The following MYCT1 variants were observed in gnomAD, a reference collection of about 807,000 sequenced individuals.
MYCT1 encodes MYC target 1, also known as myc target protein 1.
MYCT1 carries 12 observed loss-of-function variants against 15.0 expected under a neutral mutation model. That is an observed-to-expected ratio of 0.80 (90% CI 0.51 to 1.29). MYCT1 has a LOEUF of 1.29. Among genes scored for constraint, MYCT1 ranks in the 50% most tolerant of loss-of-function variants. MYCT1 has a pLI of 0.00. For missense variants in MYCT1, 287 were observed against 279.1 expected, an observed-to-expected ratio of 1.03 and a Z score of -0.20; for synonymous variants, 104 against 102.7, an observed-to-expected ratio of 1.01 and a Z score of -0.07.
intron 1 of MYCT1, among the ~76,000 whole-genome samples, chr6:152,716,526 T>C (rs1255265910): frequency 1.3e-5 from 2 of 152,206 alleles, no homozygotes. Flanking sequence ...CTCTACTAAA[T>C]TTTAATACCA....
At chr6:152,705,934 T>G in intron 1 of MYCT1, 1 of 772,600 alleles carries the variant, frequency 1.3e-6, no homozygotes, top group South Asian at 1.3e-5. Context: ...GTCAGAGATT[T>G]TGTGAATATG....
chr6:152,725,979 G>A, downstream of MYCT1, among the ~76,000 whole-genome samples: 1 of 151,732 alleles, frequency 6.6e-6, no homozygotes, highest in South Asian at 2.1e-4. Flanking sequence ...AAGGAGAGAC[G>A]AAAATAACAA....
At chr6:152,729,763 A>T in the MYCT1 span, among the ~76,000 whole-genome samples, 1 of 152,202 alleles carries the variant, frequency 6.6e-6, no homozygotes, top group East Asian at 1.9e-4. Context: ...TCTGCTGAGC[A>T]GCTACACCAC....
chr6:152,718,995 A>C (rs4145215), intron 1 of MYCT1, among the ~76,000 whole-genome samples: 74 of 152,226 alleles, frequency 4.9e-4, no homozygotes, highest in East Asian at 2.7e-3. Flanking sequence ...ATAGTTCCCT[A>C]ACCACCGATA....
chr6:152,724,191 CAAGT>C lies in MYCT1; in HGVS notation c.*1942_*1945del, dbSNP rs1275215185. 2 of 148,586 alleles carry C rather than the reference CAAGT, an allele frequency of 1.3e-5. No individual in the cohort carries two copies. The highest frequency in any genetic ancestry group is 4.9e-5 in the African/African-American group (2 of 40,594). 9.2% of individuals were successfully genotyped at this position (148,586 alleles called of 1,614,324 possible). On this transcript the variant is annotated 3_prime_UTR_variant, in exon 2 of 2. Transcript: ENST00000367245. ...GTTTTCAACAAAGAAATTTAGCAGC[CAAGT>C]AAGGTTTCAAGGGAATATTAACTTG... is the stretch of plus-strand genomic sequence containing the variant.
rs755298602 is a variant in MYCT1, at chr6:152,721,901, G to A, written c.356G>A (p.Gly119Asp). ...AGATCTAGGTCTTCTTACACCCACG[G>A]CCTCAACAGAACTGGATTTTACCGC... ...SRRSRSSYTHGLNRTGFYRHS... is the reference protein window; with the variant it reads ...SRRSRSSYTHDLNRTGFYRHS... The change falls in exon 2 of 2, where the codon GGC becomes GAC. Residue 119 changes from glycine to aspartate, a missense_variant. Gly to Asp is a moderately conservative substitution (Grantham distance 94, BLOSUM62 -1). Transcript: ENST00000367245. 3 of 1,613,918 alleles carry A rather than the reference G, an allele frequency of 1.9e-6. No individual in the cohort carries two copies. In the African/African-American group the frequency reaches 4.0e-5, roughly 22 times the overall value.
Position 152,722,068 on chromosome 6 carries a change from CCA to C in MYCT1, c.525_526del (p.Leu176SerfsTer5). ...STFHPFLQCPPLPVETESQLV... is the reference protein window; with the variant it reads ...STFHPFLQCPXLPVETESQLV... ...TTTCCATCCCTTTCTGCAATGTCCA[CCA>C]CTTCCTGTGGAAACTGAGAGTCAGC... is the stretch of plus-strand genomic sequence containing the variant. On this transcript the variant is annotated frameshift_variant, in exon 2 of 2. Transcript: ENST00000367245. LOFTEE classifies it low-confidence loss of function (END_TRUNC). 6.2e-7 allele frequency: 1 copy of C among 1,614,166 alleles called. No individual in the cohort carries two copies. The highest frequency in any genetic ancestry group is 8.5e-7 in the Non-Finnish European group (1 of 1,180,040).
the MYCT1 span, among the ~76,000 whole-genome samples, chr6:152,743,570 G>A: frequency 2.0e-5 from 3 of 152,272 alleles, no homozygotes; most frequent in South Asian, 4.1e-4. Context: ...CAACCGTCCC[G>A]GTAAATCCGG....
At chr6:152,741,980 A>G in the MYCT1 span, among the ~76,000 whole-genome samples, 1 of 152,210 alleles carries the variant, frequency 6.6e-6, no homozygotes, top group African/African-American at 2.4e-5. Context: ...AAAACAATAA[A>G]AGTTTTTTAA....
chr6:152,740,334 G>A, the MYCT1 span, among the ~76,000 whole-genome samples: 2 of 152,102 alleles, frequency 1.3e-5, no homozygotes, highest in Non-Finnish European at 2.9e-5. Flanking sequence ...ATAGGCGTGA[G>A]CCACCGTACC....
At chr6:152,705,079 G>A (rs555973481) in intron 1 of MYCT1, among the ~76,000 whole-genome samples, 2 of 152,134 alleles carry the variant, frequency 1.3e-5, no homozygotes, top group Admixed American at 1.3e-4. Context: ...CCACAAATAA[G>A]TGCAGTCATG....
chr6:152,722,099 TG>T lies in MYCT1; in HGVS notation c.555del (p.Thr186LeufsTer17), dbSNP rs1344485601. On this transcript the variant is annotated frameshift_variant, in exon 2 of 2. Coordinates refer to ENST00000367245, the MANE Select transcript of MYCT1 (RefSeq NM_025107.3). LOFTEE classifies it low-confidence loss of function (END_TRUNC). The stretch of plus-strand genomic sequence containing the variant: ...CCTGTGGAAACTGAGAGTCAGCTGG[TG>T]ACTCTCCCTTCTTCCAATATCTCTC... The part of the protein sequence containing the change: ...PLPVETESQL[V>X]TLPSSNISPT... The T allele has an allele frequency of 1.2e-6, 2 of 1,614,138 alleles. No homozygotes were observed. The highest frequency in any genetic ancestry group is 1.7e-6 in the Non-Finnish European group (2 of 1,180,028).
chr6:152,720,951 T>G (rs1330740861), intron 1 of MYCT1, among the ~76,000 whole-genome samples: 1 of 152,192 alleles, frequency 6.6e-6, no homozygotes, highest in Non-Finnish European at 1.5e-5. Flanking sequence ...AAAAGGCATT[T>G]TTCTCCCCAG....
At position 152,706,391 on chromosome 6, in the gene MYCT1, A is replaced by G. The variant is rs945763894; in HGVS notation, c.196+8293A>G. Among the ~76,000 whole-genome samples, 14 of 152,290 alleles carry G rather than the reference A, an allele frequency of 9.2e-5. 1 individual carries two copies. Among genetic ancestry groups the G allele is most frequent in the East Asian group, 5.8e-4 (3 of 5,178 alleles). On this transcript the variant is annotated intron_variant, in intron 1 of 1. Coordinates refer to ENST00000367245, the MANE Select transcript of MYCT1 (RefSeq NM_025107.3). ...TTTGTATATTCCTGATACTGAGTAC[A>G]AGAGCCACGTACAATGTACTGCTTT...
chr6:152,745,693 C>A, the MYCT1 span, among the ~76,000 whole-genome samples: 1 of 152,080 alleles, frequency 6.6e-6, no homozygotes, highest in Non-Finnish European at 1.5e-5. Flanking sequence ...TGGCTGTCAT[C>A]GACTGAAATA....
downstream of MYCT1, among the ~76,000 whole-genome samples, chr6:152,728,227 A>G (rs1036045273): frequency 6.6e-6 from 1 of 152,052 alleles, no homozygotes; most frequent in Non-Finnish European, 1.5e-5. Context: ...AAAATAGAGA[A>G]CAAGAGGGCT....
the MYCT1 span, among the ~76,000 whole-genome samples, chr6:152,732,807 A>G: frequency 6.6e-6 from 1 of 152,188 alleles, no homozygotes; most frequent in Admixed American, 6.5e-5. Context: ...CTGATCTTGA[A>G]TATTGGAGTG....
downstream of MYCT1, among the ~76,000 whole-genome samples, chr6:152,729,540 A>C (rs1483152146): frequency 6.6e-6 from 1 of 152,188 alleles, no homozygotes; most frequent in Admixed American, 6.5e-5. Flanking sequence ...CTTATCACCA[A>C]ATCATCGAAG....
At chr6:152,716,316 GTA>G (rs1304775277) in intron 1 of MYCT1, among the ~76,000 whole-genome samples, 1 of 152,124 alleles carries the variant, frequency 6.6e-6, no homozygotes, top group Admixed American at 6.6e-5. Context: ...TTCGTCAAAA[GTA>G]GTTCTATTGC....
Sources: gnomAD v4.1 joint callset for allele counts (sites outside exome capture counted in the v4.1 genomes callset) on GRCh38, gnomAD v4.1.1 for gene constraint, MANE v1.5 for transcripts, NCBI Gene and HGNC (gene_info 2026-07-23, HGNC 2026-07-21) for gene names.